The following FBXO31 variants were observed in gnomAD, a reference collection of about 807,000 sequenced individuals.
The protein encoded by FBXO31 is F-box only protein 31.
FBXO31 carries 24 observed loss-of-function variants against 54.4 expected under a neutral mutation model. The ratio of observed to expected loss-of-function variants is 0.44; its 90% confidence interval spans 0.32 to 0.62. The LOEUF is 0.62. Among genes scored for constraint, FBXO31 ranks in the 20% least tolerant of loss-of-function variants. The pLI is 0.05. For missense variants in FBXO31, 665 were observed against 787.1 expected, an observed-to-expected ratio of 0.84 and a Z score of 1.86; for synonymous variants, 388 against 335.6, an observed-to-expected ratio of 1.16 and a Z score of -1.71.
chr16:87,368,533 T>G (rs1204988533), intron 1 of FBXO31, among the ~76,000 whole-genome samples: 1 of 151,974 alleles, frequency 6.6e-6, no homozygotes, highest in Non-Finnish European at 1.5e-5. Flanking sequence ...GCACGACCTG[T>G]GCTGCCTACC....
At chr16:87,340,101 G>A (rs1350682180) in intron 5 of FBXO31, among the ~76,000 whole-genome samples, 4 of 152,210 alleles carry the variant, frequency 2.6e-5, no homozygotes, top group Non-Finnish European at 5.9e-5. Context: ...TGGCCAACAT[G>A]GGGAAAACCT....
chr16:87,380,410 GGTTT>G, intron 1 of FBXO31, among the ~76,000 whole-genome samples: 1 of 152,108 alleles, frequency 6.6e-6, no homozygotes, highest in East Asian at 1.9e-4. Flanking sequence ...GTTTTTCATG[GGTTT>G]TTTTTGCGAA....
intron 2 of FBXO31, among the ~76,000 whole-genome samples, chr16:87,347,535 C>T (rs894319368): frequency 7.9e-5 from 12 of 151,950 alleles, no homozygotes; most frequent in Non-Finnish European, 1.2e-4. Flanking sequence ...AAAAAATTAG[C>T]CGGGTGTGGT....
At chr16:87,377,219 C>G (rs987534349) in intron 1 of FBXO31, among the ~76,000 whole-genome samples, 1 of 152,200 alleles carries the variant, frequency 6.6e-6, no homozygotes, top group Non-Finnish European at 1.5e-5. Flanking sequence ...CCGAGGCGGG[C>G]GGACCACTTG....
intron 1 of FBXO31, chr16:87,367,732 A>G (rs985048457): frequency 1.3e-5 from 2 of 152,330 alleles, no homozygotes; most frequent in Admixed American, 1.3e-4. Flanking sequence ...TTAATGCTGC[A>G]GACAAGATGC....
intron 1 of FBXO31, among the ~76,000 whole-genome samples, chr16:87,375,940 C>T (rs2150696180): frequency 6.6e-6 from 1 of 152,314 alleles, no homozygotes; most frequent in South Asian, 2.1e-4. Flanking sequence ...CTCCACTTCC[C>T]CACATGCAGG....
At position 87,346,330 on chromosome 16, in the gene FBXO31, G is replaced by A. The variant is rs1905385908; in HGVS notation, c.489+844C>T. 2.0e-5 allele frequency among the ~76,000 whole-genome samples: 3 copies of A among 152,172 alleles called. No individual in the cohort carries two copies. The highest frequency in any genetic ancestry group is 7.2e-5 in the African/African-American group (3 of 41,440). ...CCAGGCGCACAGTGAGGGGTGGGGGGCATCCAACACGCCTGGAGATCAGGA... is the reference window on the plus strand; with the variant it reads ...CCAGGCGCACAGTGAGGGGTGGGGGACATCCAACACGCCTGGAGATCAGGA... On this transcript the variant is annotated intron_variant, in intron 3 of 8. Transcript: ENST00000311635. The surrounding 1 kb of genome is among the most constrained non-coding windows in gnomAD (Gnocchi z 4.2).
At chr16:87,332,823 C>T (rs1046417706) in intron 8 of FBXO31, among the ~76,000 whole-genome samples, 1 of 152,180 alleles carries the variant, frequency 6.6e-6, no homozygotes, top group Non-Finnish European at 1.5e-5. Context: ...AGCATACGCA[C>T]ATAGTGGCTT....
intron 1 of FBXO31, among the ~76,000 whole-genome samples, chr16:87,369,419 T>C (rs1048558654): frequency 2.6e-5 from 4 of 152,150 alleles, no homozygotes; most frequent in Non-Finnish European, 5.9e-5. Flanking sequence ...AGACACCTCA[T>C]CCAAGTGGAA....
chr16:87,344,288 G>A (rs776532714), intron 3 of FBXO31, among the ~76,000 whole-genome samples: 1 of 152,348 alleles, frequency 6.6e-6, no homozygotes, highest in East Asian at 1.9e-4. Context: ...CTTCAAAACC[G>A]AAGTGCAGGG....
chr16:87,328,537 C>T lies in FBXO31; in HGVS notation c.*2751G>A, dbSNP rs1450639646. The T allele has an allele frequency of 1.3e-5, 2 of 152,266 alleles. No homozygotes were observed. Among genetic ancestry groups the T allele is most frequent in the Non-Finnish European group, 2.9e-5 (2 of 68,054 alleles). 9.4% of individuals were successfully genotyped at this position (152,266 alleles called of 1,614,324 possible). A position where few individuals can be genotyped will look rare whatever the true frequency, so the allele number is the denominator to read the frequency against. ...CACGGCCCAGGTGGGCTGAGGGACC[C>T]CAATACCACCTGCCTTGAATCTCAG... On this transcript the variant is annotated 3_prime_UTR_variant, in exon 9 of 9. Transcript: ENST00000311635.
rs1288346303 is a variant in FBXO31, at chr16:87,334,266, A to G, written c.1017T>C (p.Ala339=). 2 of 1,590,224 alleles carry G rather than the reference A, an allele frequency of 1.3e-6. No individual in the cohort carries two copies. The highest frequency in any genetic ancestry group is 1.7e-6 in the Non-Finnish European group (2 of 1,166,388). Reference sequence around the variant, plus strand: ...GGTCGATCTCCACTGTCTGCTGCCCAGCGGGGATGTTGGGGTCGCCCTGTG... The same window carrying G: ...GGTCGATCTCCACTGTCTGCTGCCCGGCGGGGATGTTGGGGTCGCCCTGTG... ...TKITGDPNIP[A]GQQTVEIDLR... The change falls in exon 8 of 9, where the codon GCT becomes GCC. Residue 339 remains alanine (A), a synonymous_variant. Transcript: ENST00000311635.
intron 2 of FBXO31, among the ~76,000 whole-genome samples, chr16:87,349,553 T>C (rs1905548079): frequency 6.6e-6 from 1 of 152,004 alleles, no homozygotes; most frequent in South Asian, 2.1e-4. Context: ...CTACTTAAAA[T>C]ACAAAAAATT....
chr16:87,367,679 TGGACTGGG>T (rs1324225841), intron 1 of FBXO31: 1 of 152,258 alleles, frequency 6.6e-6, no homozygotes, highest in Non-Finnish European at 1.5e-5. Flanking sequence ...CAAAGGAGTC[TGGACTGGG>T]GGTGCTTCTC....
At chr16:87,381,497 T>A (rs1907075397) in intron 1 of FBXO31, among the ~76,000 whole-genome samples, 1 of 152,194 alleles carries the variant, frequency 6.6e-6, no homozygotes, top group African/African-American at 2.4e-5. Context: ...TTGTCCAGGA[T>A]CTCACAGCAG....
chr16:87,383,845 C>A, upstream of FBXO31: 1 of 866,100 alleles, frequency 1.2e-6, no homozygotes, highest in South Asian at 5.5e-5. The surrounding 1 kb of genome is among the most constrained non-coding windows in gnomAD (Gnocchi z 4.9). Context: ...CTCGCCACGC[C>A]CCCTGGAGAG....
chr16:87,345,261 G>C lies in FBXO31; in HGVS notation c.490-1496C>G, dbSNP rs1208456992. ...CTCAGGGGCCAGCTGCCTGCCCAGA[G>C]CTCAACAAAGTCAGGGCGGGGCTTT... On this transcript the variant is annotated intron_variant, in intron 3 of 8. Transcript: ENST00000311635. This position sits in a 1 kb window ranked among gnomAD's most constrained non-coding sequence, Gnocchi z 4.9. 6.6e-6 allele frequency among the ~76,000 whole-genome samples: 1 copy of C among 150,802 alleles called. No individual in the cohort carries two copies. Among genetic ancestry groups the C allele is most frequent in the Non-Finnish European group, 1.5e-5 (1 of 67,672 alleles).
chr16:87,336,357 CTTT>C lies in FBXO31; in HGVS notation c.733-96_733-94del, dbSNP rs1280600641. 1.8e-6 allele frequency: 2 copies of C among 1,123,066 alleles called. No homozygotes were observed. The highest frequency in any genetic ancestry group is 2.7e-6 in the Non-Finnish European group (2 of 751,730). 69.6% of individuals were successfully genotyped at this position (1,123,066 alleles called of 1,614,324 possible). On this transcript the variant is annotated intron_variant, in intron 5 of 8. Transcript: ENST00000311635. The surrounding 1 kb of genome is among the most constrained non-coding windows in gnomAD (Gnocchi z 6.5). ...CGCTGAGAGGACACAGTGTGTCCTTCTTTGTCAGTGCACAGGCACCTGCAGGGC... is the reference window on the plus strand; with the variant it reads ...CGCTGAGAGGACACAGTGTGTCCTTCGTCAGTGCACAGGCACCTGCAGGGC...
upstream of FBXO31, among the ~76,000 whole-genome samples, chr16:87,386,413 G>A (rs1319827411): frequency 6.6e-6 from 1 of 152,146 alleles, no homozygotes; most frequent in Non-Finnish European, 1.5e-5. Flanking sequence ...ATTTTATGTG[G>A]TACAGAAACA....
Sources: allele counts gnomAD v4.1 joint callset (sites outside exome capture counted in the v4.1 genomes callset), GRCh38; gene constraint gnomAD v4.1.1; non-coding constraint Gnocchi (gnomAD v3.1); transcripts MANE v1.5; gene names NCBI Gene and HGNC (gene_info 2026-07-23, HGNC 2026-07-21).